The following EDN3 variants were observed in gnomAD, a reference collection of about 807,000 sequenced individuals.
The protein encoded by EDN3 is endothelin-3.
EDN3 carries 9 observed loss-of-function variants against 21.4 expected under a neutral mutation model. The observed-to-expected ratio is 0.42, with a 90% CI of 0.25 to 0.73. The LOEUF (loss-of-function observed/expected upper bound fraction) is 0.73, where lower values mean the gene tolerates loss of function less well. EDN3 is among the 30% of genes least tolerant of loss of function. EDN3 has a pLI of 0.26. For synonymous variants in EDN3, 133 were observed against 126.2 expected (o/e 1.05, Z -0.36); for missense variants, 327 against 309.4 (o/e 1.06, Z -0.43).
rs1988966247 is a variant in EDN3, at chr20:59,300,957, CG to C, written c.52+97del. 18 of 1,454,440 alleles carry C rather than the reference CG, an allele frequency of 1.2e-5. No homozygotes were observed. In the South Asian group the frequency reaches 2.2e-4, roughly 17 times the overall value. The allele number at this position is 1,454,440 out of a possible 1,614,324, so 90.1% of individuals were successfully genotyped here. ...CGAGGCGCGGAGAAGATGTGCGTCG[CG>C]GGGAGCAAACTCTTGCCTGGGCTCT... is the stretch of plus-strand genomic sequence containing the variant. On this transcript the variant is annotated intron_variant, in intron 1 of 4. Transcript: ENST00000337938.
At position 59,322,265 on chromosome 20, in the gene EDN3, G is replaced by C; in HGVS notation, c.543-107G>C. 1 of 1,222,782 alleles carries C rather than the reference G, an allele frequency of 8.2e-7. No individual in the cohort carries two copies. The highest frequency in any genetic ancestry group is 1.2e-6 in the Non-Finnish European group (1 of 829,148). 75.7% of individuals were successfully genotyped at this position (1,222,782 alleles called of 1,614,324 possible). A position where few individuals can be genotyped will look rare whatever the true frequency, so the allele number is the denominator to read the frequency against. On this transcript the variant is annotated intron_variant, in intron 3 of 4. Transcript: ENST00000337938. The surrounding 1 kb of genome is among the most constrained non-coding windows in gnomAD (Gnocchi z 4.1). ...GCCTGAGACGCAGTCCTTGGGGAAC[G>C]CACTAATGTGCTCATTGGTGGGGAA... is the stretch of plus-strand genomic sequence containing the variant.
chr20:59,324,714 A>G lies in EDN3; in HGVS notation c.*255A>G. On this transcript the variant is annotated 3_prime_UTR_variant, in exon 5 of 5. Transcript: ENST00000337938. The stretch of plus-strand genomic sequence containing the variant: ...CCTGCAGCTCCGGTTTCATGCAGGA[A>G]ATTGGTTTTGGAGAGTTTTGGCAAG... The G allele has an allele frequency of 1.8e-6, 1 of 541,816 alleles. No individual in the cohort carries two copies. The highest frequency in any genetic ancestry group is 3.3e-6 in the Non-Finnish European group (1 of 303,538). 33.6% of individuals were successfully genotyped at this position (541,816 alleles called of 1,614,324 possible). A position where few individuals can be genotyped will look rare whatever the true frequency, so the allele number is the denominator to read the frequency against.
At chr20:59,315,872 A>T (rs1433554584) in intron 2 of EDN3, among the ~76,000 whole-genome samples, 1 of 152,210 alleles carries the variant, frequency 6.6e-6, no homozygotes, top group Non-Finnish European at 1.5e-5. Context: ...AAAGCTGGAA[A>T]TCGGGATGTT....
Position 59,300,724 on chromosome 20 carries a change from C to A in EDN3, c.-89C>A. 2 of 1,398,384 alleles carry A rather than the reference C, an allele frequency of 1.4e-6. No homozygotes were observed. The highest frequency in any genetic ancestry group is 2.0e-5 in the Admixed American group (1 of 51,014). 86.6% of individuals were successfully genotyped at this position (1,398,384 alleles called of 1,614,324 possible). A position where few individuals can be genotyped will look rare whatever the true frequency, so the allele number is the denominator to read the frequency against. Reference sequence around the variant, plus strand: ...GCCTCGAACCCCCACAGCTGGAGGGCGAGGCCAGCTGTACCCGGCCCCAGT... The same window carrying A: ...GCCTCGAACCCCCACAGCTGGAGGGAGAGGCCAGCTGTACCCGGCCCCAGT... On this transcript the variant is annotated 5_prime_UTR_variant, in exon 1 of 5. Coordinates refer to ENST00000337938, the MANE Select transcript of EDN3 (RefSeq NM_207034.3).
chr20:59,300,710 C>T lies in EDN3; in HGVS notation c.-103C>T, dbSNP rs1034254532. On this transcript the variant is annotated 5_prime_UTR_variant, in exon 1 of 5. Transcript: ENST00000337938. ...CGAGCGATCGGCCGGCCTCGAACCC[C>T]CACAGCTGGAGGGCGAGGCCAGCTG... 1 of 1,276,848 alleles carries T rather than the reference C, an allele frequency of 7.8e-7. No individual in the cohort carries two copies. The highest frequency in any genetic ancestry group is 1.5e-5 in the African/African-American group (1 of 67,206). The allele number at this position is 1,276,848 out of a possible 1,614,324, so 79.1% of individuals were successfully genotyped here. A position where few individuals can be genotyped will look rare whatever the true frequency, so the allele number is the denominator to read the frequency against.
chr20:59,322,236 C>G lies in EDN3; in HGVS notation c.543-136C>G. On this transcript the variant is annotated intron_variant, in intron 3 of 4. Transcript: ENST00000337938. This position sits in a 1 kb window ranked among gnomAD's most constrained non-coding sequence, Gnocchi z 4.1. ...CCACCGAGTGCTCAGCCTTCAGAAA[C>G]TGTGCCTGAGACGCAGTCCTTGGGG... 1 of 930,268 alleles carries G rather than the reference C, an allele frequency of 1.1e-6. No individual in the cohort carries two copies. The highest frequency in any genetic ancestry group is 1.7e-6 in the Non-Finnish European group (1 of 575,062). 57.6% of individuals were successfully genotyped at this position (930,268 alleles called of 1,614,324 possible).
At chr20:59,312,809 G>T (rs1989917101) in intron 2 of EDN3, among the ~76,000 whole-genome samples, 1 of 152,200 alleles carries the variant, frequency 6.6e-6, no homozygotes. Context: ...TTTGGAGCCA[G>T]AGGGACCCTG....
chr20:59,324,680 A>G lies in EDN3; in HGVS notation c.*221A>G. 1.6e-6 allele frequency: 1 copy of G among 626,390 alleles called. No homozygotes were observed. Among genetic ancestry groups the G allele is most frequent in the Admixed American group, 2.8e-5 (1 of 35,842 alleles). 38.8% of individuals were successfully genotyped at this position (626,390 alleles called of 1,614,324 possible). A position where few individuals can be genotyped will look rare whatever the true frequency, so the allele number is the denominator to read the frequency against. On this transcript the variant is annotated 3_prime_UTR_variant, in exon 5 of 5. Coordinates refer to ENST00000337938, the MANE Select transcript of EDN3 (RefSeq NM_207034.3). ...TAAAATGATCCCAGATGTGCCCCAG[A>G]GCATGACGCCTGCAGCTCCGGTTTC...
At chr20:59,317,305 T>C (rs963324349) in intron 2 of EDN3, among the ~76,000 whole-genome samples, 6 of 152,226 alleles carry the variant, frequency 3.9e-5, no homozygotes, top group African/African-American at 1.4e-4. Context: ...GGCTCCTTAT[T>C]ACCCTTCTTT....
rs112614571 is a variant in EDN3 at position 59,307,701 on chromosome 20, G to A, written c.365+5979G>A. Among the ~76,000 whole-genome samples, 13 of 152,306 alleles carry A rather than the reference G, an allele frequency of 8.5e-5. 2 individuals are homozygous for A. Among genetic ancestry groups the A allele is most frequent in the African/African-American group, 3.1e-4 (13 of 41,568 alleles). On this transcript the variant is annotated intron_variant, in intron 2 of 4. Transcript: ENST00000337938. The stretch of plus-strand genomic sequence containing the variant: ...GGGTGGTTTTGTTCTTTTTGAGACA[G>A]TGTCTCATTCTGTCGCCCAGGCTGA...
chr20:59,324,406 G>A lies in EDN3; in HGVS notation c.664G>A (p.Ala222Thr), dbSNP rs201352056. The change falls in exon 5 of 5, where the codon GCC becomes ACC. Residue 222 changes from alanine to threonine, a missense_variant. Ala to Thr is a moderately conservative substitution (Grantham distance 58). Transcript: ENST00000337938. ...HPKLMPGSGL[A>T]LAPSTCPRCL... Reference sequence around the variant, plus strand: ...AAAGCTCATGCCCGGCAGTGGACTCGCCCTCGCTCCATCTACCTGCCCCCG... The same window carrying A: ...AAAGCTCATGCCCGGCAGTGGACTCACCCTCGCTCCATCTACCTGCCCCCG... 3.7e-6 allele frequency: 6 copies of A among 1,613,858 alleles called. No homozygotes were observed. The highest frequency in any genetic ancestry group is 2.7e-5 in the African/African-American group (2 of 74,848).
chr20:59,308,642 C>T (rs1989586890), intron 2 of EDN3, among the ~76,000 whole-genome samples: 1 of 152,202 alleles, frequency 6.6e-6, no homozygotes, highest in African/African-American at 2.4e-5. Context: ...TTCAGGATGA[C>T]ACAAGAAAGT....
At chr20:59,303,949 G>C (rs1050601440) in intron 2 of EDN3, among the ~76,000 whole-genome samples, 1 of 152,170 alleles carries the variant, frequency 6.6e-6, no homozygotes, top group African/African-American at 2.4e-5. Context: ...AGCCAGACTT[G>C]AGCATTTTGA....
At position 59,321,128 on chromosome 20, in the gene EDN3, C is replaced by T. The variant is rs149177260; in HGVS notation, c.477C>T (p.Cys159=). 19 of 1,614,114 alleles carry T rather than the reference C, an allele frequency of 1.2e-5. No individual in the cohort carries two copies. Among genetic ancestry groups the T allele is most frequent in the Middle Eastern group, 1.6e-4 (1 of 6,084 alleles). ...TCTCACATCGGCCACACTTGCGCTGCGCTTGTGTGGGGAGATATGACAAGG... is the reference window on the plus strand; with the variant it reads ...TCTCACATCGGCCACACTTGCGCTGTGCTTGTGTGGGGAGATATGACAAGG... ...LQLSHRPHLR[C]ACVGRYDKAC... The change falls in exon 3 of 5, where the codon TGC becomes TGT. Residue 159 remains cysteine (C), a synonymous_variant. Coordinates refer to ENST00000337938, the MANE Select transcript of EDN3 (RefSeq NM_207034.3).
chr20:59,313,640 C>T (rs763484754), intron 2 of EDN3, among the ~76,000 whole-genome samples: 2 of 152,116 alleles, frequency 1.3e-5, no homozygotes, highest in South Asian at 2.1e-4. Flanking sequence ...CTGAGGGCTG[C>T]GGGAGATGGA....
At chr20:59,302,776 C>T (rs528667262) in intron 2 of EDN3, among the ~76,000 whole-genome samples, 1 of 152,138 alleles carries the variant, frequency 6.6e-6, no homozygotes, top group African/African-American at 2.4e-5. Flanking sequence ...GGAAAGGCAC[C>T]TTTGCCACCG....
intron 2 of EDN3, among the ~76,000 whole-genome samples, chr20:59,312,532 G>T (rs1989900953): frequency 6.6e-6 from 1 of 152,216 alleles, no homozygotes; most frequent in Non-Finnish European, 1.5e-5. Flanking sequence ...CCAATGAGCT[G>T]ATGAGATGAT....
chr20:59,306,643 G>A (rs1470122053), intron 2 of EDN3, among the ~76,000 whole-genome samples: 1 of 127,232 alleles, frequency 7.9e-6, no homozygotes, highest in East Asian at 2.6e-4. Context: ...ATTTAAACTT[G>A]TATTTTAATG....
At chr20:59,319,770 GAAAA>G (rs1990413337) in intron 2 of EDN3, among the ~76,000 whole-genome samples, 1 of 149,998 alleles carries the variant, frequency 6.7e-6, no homozygotes, top group South Asian at 2.1e-4. Flanking sequence ...GAAAAGAAAA[GAAAA>G]AAGAAAATGC....
Sources: allele counts gnomAD v4.1 joint callset (sites outside exome capture counted in the v4.1 genomes callset), GRCh38; gene constraint gnomAD v4.1.1; non-coding constraint Gnocchi (gnomAD v3.1); transcripts MANE v1.5; gene names NCBI Gene and HGNC (gene_info 2026-07-23, HGNC 2026-07-21).